STXBP5L: variants seen among roughly 807,000 people sequenced by gnomAD.
STXBP5L encodes the protein syntaxin-binding protein 5-like.
Under a neutral mutation model 144.5 loss-of-function variants are expected in STXBP5L, and 65 were observed. That is an observed-to-expected ratio of 0.45 (90% CI 0.37 to 0.55). The LOEUF (loss-of-function observed/expected upper bound fraction) is 0.55, where lower values mean the gene tolerates loss of function less well. Among genes scored for constraint, STXBP5L ranks in the 20% least tolerant of loss-of-function variants. The pLI is 0.00. For synonymous variants in STXBP5L, 505 were observed against 469.6 expected, an observed-to-expected ratio of 1.08 and a Z score of -0.97; for missense variants, 1,298 against 1,405.5, an observed-to-expected ratio of 0.92 and a Z score of 1.22.
intron 22 of STXBP5L, among the ~76,000 whole-genome samples, chr3:121,402,976 T>A (rs1314847335): frequency 6.6e-6 from 1 of 152,190 alleles, no homozygotes; most frequent in South Asian, 2.1e-4. Context: ...ACTACAGGCA[T>A]GCCATCATGC....
intron 22 of STXBP5L, among the ~76,000 whole-genome samples, chr3:121,393,175 A>G (rs1443129729): frequency 6.9e-6 from 1 of 144,788 alleles, no homozygotes; most frequent in African/African-American, 2.5e-5. Context: ...TTCTCTCATG[A>G]CTAATGATGT....
At chr3:121,352,744 A>G (rs1281704533) in intron 20 of STXBP5L, among the ~76,000 whole-genome samples, 1 of 152,020 alleles carries the variant, frequency 6.6e-6, no homozygotes. Flanking sequence ...GAGAGAGGGT[A>G]TCCTTGTCTT....
chr3:121,093,489 G>A (rs940363611), intron 5 of STXBP5L, among the ~76,000 whole-genome samples: 6 of 152,116 alleles, frequency 3.9e-5, no homozygotes, highest in African/African-American at 1.4e-4. Flanking sequence ...CTTCTTCCTG[G>A]TTTAGTCTTG....
intron 14 of STXBP5L, among the ~76,000 whole-genome samples, chr3:121,249,125 G>T (rs890611911): frequency 1.3e-5 from 2 of 151,686 alleles, no homozygotes; most frequent in African/African-American, 4.8e-5. Context: ...GTTCTTTTTT[G>T]GTTTCATATG....
intron 2 of STXBP5L, among the ~76,000 whole-genome samples, chr3:120,914,917 T>C (rs1553743894): frequency 6.7e-6 from 1 of 150,284 alleles, no homozygotes; most frequent in Non-Finnish European, 1.5e-5. Context: ...GACTCAGTAC[T>C]CCAGGCTGTC....
chr3:120,986,003 GTTAT>G lies in STXBP5L; in HGVS notation c.287+30969_287+30972del, dbSNP rs752661182. 4.1e-3 allele frequency among the ~76,000 whole-genome samples: 629 copies of G among 151,810 alleles called. 2 individuals are homozygous for G. The highest frequency in any genetic ancestry group is 6.7e-3 in the Non-Finnish European group (451 of 67,772). On this transcript the variant is annotated intron_variant, in intron 3 of 26. Coordinates refer to ENST00000471454, the MANE Select transcript of STXBP5L (RefSeq NM_001308330.2). Reference sequence around the variant, plus strand: ...TTTTTCTAGTTCCTTATGTTATAAAGTTATTTGTTTGAGACTTTTTTAAAAAGTA... The same window carrying G: ...TTTTTCTAGTTCCTTATGTTATAAAGTTGTTTGAGACTTTTTTAAAAAGTA...
At chr3:121,355,496 A>G (rs2045473884) in intron 20 of STXBP5L, among the ~76,000 whole-genome samples, 1 of 152,148 alleles carries the variant, frequency 6.6e-6, no homozygotes, top group Non-Finnish European at 1.5e-5. Flanking sequence ...AATCTTGTGC[A>G]TGCATCACGA....
chr3:120,987,699 T>A (rs1255944690), intron 3 of STXBP5L, among the ~76,000 whole-genome samples: 2 of 151,838 alleles, frequency 1.3e-5, no homozygotes, highest in African/African-American at 4.8e-5. Context: ...GATTTTTTCC[T>A]TTTTTTAAAA....
At chr3:121,068,552 G>A (rs1392306961) in intron 5 of STXBP5L, among the ~76,000 whole-genome samples, 1 of 151,504 alleles carries the variant, frequency 6.6e-6, no homozygotes, top group Non-Finnish European at 1.5e-5. Flanking sequence ...CACTTATTTT[G>A]ATCTAAAATA....
intron 20 of STXBP5L, among the ~76,000 whole-genome samples, chr3:121,359,912 T>C: frequency 7.1e-6 from 1 of 141,694 alleles, no homozygotes; most frequent in African/African-American, 2.7e-5. Context: ...ATTCCTCCAG[T>C]TTGGTTCTTT....
At chr3:121,005,583 C>A (rs1944220746) in intron 3 of STXBP5L, among the ~76,000 whole-genome samples, 2 of 151,924 alleles carry the variant, frequency 1.3e-5, no homozygotes, top group South Asian at 2.1e-4. Context: ...TTATTTCTTG[C>A]CTTCTGCTAG....
intron 9 of STXBP5L, among the ~76,000 whole-genome samples, chr3:121,159,717 C>A (rs1310735021): frequency 6.6e-6 from 1 of 151,212 alleles, no homozygotes; most frequent in East Asian, 1.9e-4. Context: ...GCAAGCTCCG[C>A]CTCCCGGGTT....
intron 3 of STXBP5L, among the ~76,000 whole-genome samples, chr3:120,986,126 C>T (rs1435497800): frequency 6.6e-6 from 1 of 151,548 alleles, no homozygotes; most frequent in Non-Finnish European, 1.5e-5. Context: ...TTTCTATTTC[C>T]CTTCATATTT....
intron 14 of STXBP5L, among the ~76,000 whole-genome samples, chr3:121,250,211 T>G (rs1355872551): frequency 2.0e-5 from 3 of 152,038 alleles, no homozygotes; most frequent in Non-Finnish European, 4.4e-5. Context: ...TCATCAAAAG[T>G]GTTGGGAAGT....
intron 2 of STXBP5L, among the ~76,000 whole-genome samples, chr3:120,928,360 T>A (rs1432199536): frequency 6.6e-6 from 1 of 152,072 alleles, no homozygotes; most frequent in Non-Finnish European, 1.5e-5. Flanking sequence ...TCTCTGGGGT[T>A]CAAGCAATTC....
chr3:121,167,847 C>T (rs2046557737), intron 9 of STXBP5L, among the ~76,000 whole-genome samples: 1 of 152,194 alleles, frequency 6.6e-6, no homozygotes, highest in Admixed American at 6.5e-5. Context: ...GTCAGATTGC[C>T]TCCTCAAGTG....
chr3:120,944,689 T>G (rs1244511173), intron 2 of STXBP5L, among the ~76,000 whole-genome samples: 1 of 151,812 alleles, frequency 6.6e-6, no homozygotes, highest in East Asian at 1.9e-4. Context: ...TTGCCACTCT[T>G]GTGCATACAG....
At chr3:121,036,541 A>G (rs1423074299) in intron 3 of STXBP5L, among the ~76,000 whole-genome samples, 3 of 152,106 alleles carry the variant, frequency 2.0e-5, no homozygotes, top group Admixed American at 6.6e-5. Context: ...ATAATGATAG[A>G]TGATTCTTGC....
intron 19 of STXBP5L, among the ~76,000 whole-genome samples, chr3:121,311,609 A>C (rs2043531950): frequency 6.6e-6 from 1 of 152,100 alleles, no homozygotes; most frequent in African/African-American, 2.4e-5. Context: ...CAAAGAGAAT[A>C]AAATACTTAG....
Sources: allele counts gnomAD v4.1 joint callset (sites outside exome capture counted in the v4.1 genomes callset), GRCh38; gene constraint gnomAD v4.1.1; transcripts MANE v1.5; gene names NCBI Gene and HGNC (gene_info 2026-07-23, HGNC 2026-07-21).